ZRANB3: variants seen among roughly 807,000 people sequenced by gnomAD.
ZRANB3 encodes DNA annealing helicase and endonuclease ZRANB3.
In ZRANB3, 125 loss-of-function variants were observed where a neutral mutation model predicts 133.8. The observed-to-expected ratio is 0.93, with a 90% confidence interval of 0.81 to 1.08. ZRANB3 has a LOEUF of 1.08. Ranked by LOEUF, ZRANB3 falls within the 50% of genes least tolerant of loss-of-function variation. The pLI is 0.00. For missense variants in ZRANB3, 1,229 were observed against 1,275.5 expected (o/e 0.96, Z 0.56); for synonymous variants, 387 against 432.7 (o/e 0.89, Z 1.31).
At chr2:135,328,119 GGTTT>G (rs1292604751) in intron 6 of ZRANB3, among the ~76,000 whole-genome samples, 1 of 151,784 alleles carries the variant, frequency 6.6e-6, no homozygotes, top group African/African-American at 2.4e-5. Flanking sequence ...ACAACATGCA[GGTTT>G]GTTACATAGG....
intron 9 of ZRANB3, 142 bp downstream of exon 9, chr2:135,275,494 A>G: frequency 3.6e-6 from 2 of 549,246 alleles, no homozygotes; most frequent in Non-Finnish European, 5.7e-6. Flanking sequence ...TATTAATATA[A>G]TTTTCAAGAA....
At chr2:135,271,266 T>TA (rs1680503967) in intron 10 of ZRANB3, 1 of 470,264 alleles carries the variant, frequency 2.1e-6, no homozygotes, top group Non-Finnish European at 4.4e-6. Flanking sequence ...TTTGTGTATT[T>TA]AAGTCAGTCT....
intron 2 of ZRANB3, among the ~76,000 whole-genome samples, chr2:135,403,885 G>A (rs1486321429): frequency 6.6e-6 from 1 of 152,246 alleles, no homozygotes; most frequent in Non-Finnish European, 1.5e-5. Context: ...ACCTGCAGCT[G>A]AGGGTCCTGA....
chr2:135,312,108 T>A (rs1306555872), intron 8 of ZRANB3, among the ~76,000 whole-genome samples: 10 of 151,122 alleles, frequency 6.6e-5, no homozygotes, highest in East Asian at 5.8e-4. Context: ...AACCATACAT[T>A]GTATTTATTT....
chr2:135,209,745 A>AT (rs1340873471), intron 17 of ZRANB3, among the ~76,000 whole-genome samples: 2 of 152,120 alleles, frequency 1.3e-5, no homozygotes, highest in Non-Finnish European at 2.9e-5. Context: ...CCTATTGTAG[A>AT]TTTTTTTGGA....
intron 8 of ZRANB3, among the ~76,000 whole-genome samples, chr2:135,291,020 T>G (rs1187542850): frequency 6.6e-6 from 1 of 151,902 alleles, no homozygotes; most frequent in African/African-American, 2.4e-5. Context: ...TTCTCATACC[T>G]CAGCCTCCTT....
chr2:135,429,565 A>C (rs1689231189), intron 2 of ZRANB3, among the ~76,000 whole-genome samples: 2 of 152,166 alleles, frequency 1.3e-5, no homozygotes, highest in South Asian at 4.2e-4. Context: ...ATCTAACCAA[A>C]ATTATAATAC....
chr2:135,423,136 TTAAC>T (rs1156920521), intron 2 of ZRANB3, among the ~76,000 whole-genome samples: 1 of 152,146 alleles, frequency 6.6e-6, no homozygotes, highest in Non-Finnish European at 1.5e-5. Flanking sequence ...TTTTCTGTGT[TTAAC>T]TATCTCCCCT....
intron 2 of ZRANB3, among the ~76,000 whole-genome samples, chr2:135,407,057 A>G (rs375787284): frequency 5.9e-5 from 9 of 152,204 alleles, no homozygotes; most frequent in East Asian, 5.8e-4. Flanking sequence ...TGACATGATT[A>G]TATATCTAGA....
At chr2:135,217,632 G>A in intron 16 of ZRANB3, 25 bp from the exon 17 acceptor site, 1 of 1,605,114 alleles carries the variant, frequency 6.2e-7, no homozygotes, top group South Asian at 1.1e-5. Flanking sequence ...GATAATAAGA[G>A]TTAACAGCTC....
Position 135,224,456 on chromosome 2 carries a change from C to T in ZRANB3, c.2220G>A (p.Arg740=). ...VYDTLMFCAS[R]NTDRIHIYTK... ...TATAGATGTGAATCCGGTCAGTATT[C>T]CTACTTGCACAGAACATTAAGGTGT... Residue 740 remains arginine, a synonymous_variant, in exon 15 of 21, where the codon AGG becomes AGA. Transcript: ENST00000264159. 1.2e-6 allele frequency: 2 copies of T among 1,613,116 alleles called. No individual in the cohort carries two copies. Among genetic ancestry groups the T allele is most frequent in the Non-Finnish European group, 1.7e-6 (2 of 1,179,404 alleles).
At chr2:135,245,501 G>C (rs1454685440) in intron 12 of ZRANB3, among the ~76,000 whole-genome samples, 2 of 151,986 alleles carry the variant, frequency 1.3e-5, no homozygotes, top group African/African-American at 4.8e-5. Flanking sequence ...GCCCAGGTTG[G>C]AGTGAAGTGG....
At chr2:135,305,660 T>C (rs1349228859) in intron 8 of ZRANB3, among the ~76,000 whole-genome samples, 2 of 152,218 alleles carry the variant, frequency 1.3e-5, no homozygotes, top group African/African-American at 4.8e-5. Flanking sequence ...CATTTGTGTA[T>C]CTGCTCTACC....
intron 2 of ZRANB3, among the ~76,000 whole-genome samples, chr2:135,435,487 A>G (rs1346410079): frequency 1.3e-5 from 2 of 152,172 alleles, no homozygotes; most frequent in Non-Finnish European, 2.9e-5. Context: ...AGAATGATTT[A>G]TATTCTTCTG....
At chr2:135,520,730 G>A (rs912279929) in intron 1 of ZRANB3, among the ~76,000 whole-genome samples, 6 of 151,994 alleles carry the variant, frequency 3.9e-5, no homozygotes, top group African/African-American at 1.4e-4. Context: ...GCTTACAGGT[G>A]CCTGCCACTG....
At chr2:135,243,990 T>C (rs1695670895) in intron 12 of ZRANB3, among the ~76,000 whole-genome samples, 1 of 150,818 alleles carries the variant, frequency 6.6e-6, no homozygotes, top group Admixed American at 6.6e-5. Flanking sequence ...ATATAAAATA[T>C]ATAATAGTCC....
chr2:135,503,439 A>G (rs112801711), intron 2 of ZRANB3, among the ~76,000 whole-genome samples: 116 of 152,288 alleles, frequency 7.6e-4, no homozygotes, highest in African/African-American at 2.6e-3. Context: ...TGTTTTTTAA[A>G]CTGTTCATAA....
At chr2:135,431,434 T>TA (rs1445329164) in intron 2 of ZRANB3, among the ~76,000 whole-genome samples, 1 of 151,930 alleles carries the variant, frequency 6.6e-6, no homozygotes, top group Non-Finnish European at 1.5e-5. Context: ...GATCTTGAGT[T>TA]AGGCTTTTTC....
At chr2:135,484,649 T>C (rs192622351) in intron 2 of ZRANB3, among the ~76,000 whole-genome samples, 1,509 of 139,414 alleles carry the variant, frequency 0.011, 23 homozygotes, top group African/African-American at 0.048. Flanking sequence ...AACAAAAAGA[T>C]AGGTTACCAA....
Sources: gnomAD v4.1 joint callset for allele counts (sites outside exome capture counted in the v4.1 genomes callset) on GRCh38, gnomAD v4.1.1 for gene constraint, MANE v1.5 for transcripts, NCBI Gene and HGNC (gene_info 2026-07-23, HGNC 2026-07-21) for gene names.